Variants in CADPS observed in about 807,000 individuals in gnomAD.
CADPS encodes the protein calcium-dependent secretion activator 1.
In CADPS, 57 loss-of-function variants were observed where a neutral mutation model predicts 167.3. The observed-to-expected ratio is 0.34, with a 90% CI of 0.28 to 0.42. The LOEUF (loss-of-function observed/expected upper bound fraction) is 0.42. Ranked by LOEUF, CADPS falls within the 20% of genes least tolerant of loss-of-function variation. The pLI, the probability that CADPS is intolerant of heterozygous loss-of-function variation, is 1.00. For missense variants in CADPS, 1,414 were observed against 1,738.1 expected (o/e 0.81, Z 3.32); for synonymous variants, 676 against 635.3 (o/e 1.06, Z -0.96).
At chr3:62,780,337 G>C (rs920455686) in intron 1 of CADPS, among the ~76,000 whole-genome samples, 1 of 152,166 alleles carries the variant, frequency 6.6e-6, no homozygotes, top group Non-Finnish European at 1.5e-5. Context: ...AGAATTGTTT[G>C]AGCCCAGAAG....
At chr3:62,447,621 A>G (rs1028899953) in intron 26 of CADPS, among the ~76,000 whole-genome samples, 3 of 152,150 alleles carry the variant, frequency 2.0e-5, no homozygotes, top group Admixed American at 2.0e-4. Flanking sequence ...TGGCCTCAGG[A>G]TGATTGAGAA....
intron 3 of CADPS, among the ~76,000 whole-genome samples, chr3:62,686,328 C>T (rs1373279421): frequency 1.3e-5 from 2 of 151,888 alleles, no homozygotes; most frequent in African/African-American, 4.8e-5. Flanking sequence ...TTTAAAAACC[C>T]CATCTATTTA....
chr3:62,687,732 G>C (rs17290766), intron 3 of CADPS, among the ~76,000 whole-genome samples: 1 of 101,150 alleles, frequency 9.9e-6, no homozygotes, highest in Non-Finnish European at 2.0e-5. Flanking sequence ...GGTTCCCTTC[G>C]CATTTTTTTT....
intron 26 of CADPS, among the ~76,000 whole-genome samples, chr3:62,448,011 C>T (rs965562292): frequency 2.6e-5 from 4 of 152,108 alleles, no homozygotes; most frequent in Admixed American, 1.3e-4. Flanking sequence ...CAATCAGATC[C>T]GTTTACAATC....
chr3:62,616,020 G>A (rs533582994), intron 6 of CADPS, among the ~76,000 whole-genome samples: 7 of 152,080 alleles, frequency 4.6e-5, no homozygotes, highest in African/African-American at 1.7e-4. Context: ...AGATGTCTAT[G>A]TGTTTTTTTT....
chr3:62,688,759 C>A (rs4688308), intron 3 of CADPS, among the ~76,000 whole-genome samples: 23,971 of 151,984 alleles, frequency 0.16, 2,237 homozygotes, highest in Admixed American at 0.25. Context: ...AACTTGCCAT[C>A]CTCAGACACT....
At chr3:62,813,269 A>G (rs1052357627) in intron 1 of CADPS, among the ~76,000 whole-genome samples, 1 of 152,144 alleles carries the variant, frequency 6.6e-6, no homozygotes, top group African/African-American at 2.4e-5. Flanking sequence ...ACACAGACAC[A>G]TAATCCAGTA....
intron 3 of CADPS, among the ~76,000 whole-genome samples, chr3:62,730,863 T>A (rs1318511580): frequency 6.6e-6 from 1 of 152,224 alleles, no homozygotes; most frequent in Non-Finnish European, 1.5e-5. Flanking sequence ...ATTTGGCATA[T>A]GTATGAGATG....
At chr3:62,730,183 G>T (rs2077500567) in intron 3 of CADPS, among the ~76,000 whole-genome samples, 1 of 149,390 alleles carries the variant, frequency 6.7e-6, no homozygotes, top group South Asian at 2.1e-4. Context: ...GGCATATCTG[G>T]CCTATCCTGA....
At chr3:62,829,083 A>G (rs1277366744) in intron 1 of CADPS, among the ~76,000 whole-genome samples, 2 of 152,174 alleles carry the variant, frequency 1.3e-5, no homozygotes, top group African/African-American at 4.8e-5. Context: ...TCAACATCTT[A>G]GGGACCTGAT....
chr3:62,805,256 A>AT (rs2094019359), intron 1 of CADPS, among the ~76,000 whole-genome samples: 1 of 152,136 alleles, frequency 6.6e-6, no homozygotes, highest in Non-Finnish European at 1.5e-5. Flanking sequence ...ATTTGCTAAC[A>AT]TTTCTCAAGC....
intron 1 of CADPS, chr3:62,779,698 T>G: frequency 2.1e-6 from 1 of 484,340 alleles, no homozygotes; most frequent in Non-Finnish European, 4.2e-6. Flanking sequence ...TTCTGATCAA[T>G]AACATCTACA....
chr3:62,691,775 C>T (rs983815613), intron 3 of CADPS, among the ~76,000 whole-genome samples: 5 of 151,890 alleles, frequency 3.3e-5, no homozygotes, highest in South Asian at 2.1e-4. Flanking sequence ...TGGGGCCTGT[C>T]GGTGTATGGT....
At chr3:62,510,196 A>ATCTATCTATCTG (rs1553853816) in intron 17 of CADPS, among the ~76,000 whole-genome samples, 1 of 137,502 alleles carries the variant, frequency 7.3e-6, no homozygotes, top group Non-Finnish European at 1.5e-5. Flanking sequence ...TTCTGCATCT[A>ATCTATCTATCTG]TCTATCTATC....
chr3:62,498,196 A>G (rs760231930), intron 18 of CADPS: 2 of 456,604 alleles, frequency 4.4e-6, no homozygotes, highest in South Asian at 3.1e-5. Context: ...GTAGAAAAAC[A>G]GGGAGGAAAT....
At chr3:62,440,222 T>C (rs1230128973) in intron 27 of CADPS, 2 of 152,156 alleles carry the variant, frequency 1.3e-5, no homozygotes, top group Non-Finnish European at 2.9e-5. Context: ...AAATCCTTTC[T>C]CCATCTCCTC....
At chr3:62,599,905 T>G (rs2149038088) in intron 6 of CADPS, among the ~76,000 whole-genome samples, 1 of 83,752 alleles carries the variant, frequency 1.2e-5, no homozygotes, top group African/African-American at 4.5e-5. Flanking sequence ...TATACCATAT[T>G]ATATATAATA....
Position 62,669,651 on chromosome 3 carries a change from T to C in CADPS, c.889-7257A>G, listed in dbSNP as rs193141708. 6.8e-4 allele frequency among the ~76,000 whole-genome samples: 103 copies of C among 152,310 alleles called. 1 individual carries two copies. The East Asian group carries it at 0.018, about 27-fold the overall frequency. On this transcript the variant is annotated intron_variant, in intron 3 of 29. Coordinates refer to ENST00000383710, the MANE Select transcript of CADPS (RefSeq NM_003716.4). ...GCCTTTCCACTTTAAAGCTGAGCAATCCTAGGAAAGTGATTGGACCTCTCT... is the reference window on the plus strand; with the variant it reads ...GCCTTTCCACTTTAAAGCTGAGCAACCCTAGGAAAGTGATTGGACCTCTCT...
intron 3 of CADPS, among the ~76,000 whole-genome samples, chr3:62,723,340 A>T (rs1472217754): frequency 6.6e-6 from 1 of 152,134 alleles, no homozygotes; most frequent in Non-Finnish European, 1.5e-5. Flanking sequence ...ATCATCTTAA[A>T]CTCTAAAGCT....
Sources: gnomAD v4.1 joint callset for allele counts (sites outside exome capture counted in the v4.1 genomes callset) on GRCh38, gnomAD v4.1.1 for gene constraint, MANE v1.5 for transcripts, NCBI Gene and HGNC (gene_info 2026-07-23, HGNC 2026-07-21) for gene names.